Variants in PPA2 observed in about 807,000 individuals in gnomAD.
PPA2 encodes the protein inorganic pyrophosphatase 2, mitochondrial.
Under a neutral mutation model 49.5 loss-of-function variants are expected in PPA2, and 48 were observed. The ratio of observed to expected loss-of-function variants is 0.97; its 90% CI spans 0.77 to 1.23. PPA2 has a LOEUF of 1.23. PPA2 is among the 50% of genes most tolerant of loss of function. The pLI is 0.00. For missense variants in PPA2, 429 were observed against 410.1 expected (o/e 1.05, Z -0.40); for synonymous variants, 131 against 139.9 (o/e 0.94, Z 0.45).
chr4:105,453,850 T>C, intron 2 of PPA2: 1 of 396,100 alleles, frequency 2.5e-6, no homozygotes, highest in Non-Finnish European at 4.5e-6. Flanking sequence ...TTTCATAAAA[T>C]AAATGATCAG....
intron 2 of PPA2, chr4:105,456,353 C>T (rs915023361): frequency 1.4e-5 from 6 of 430,478 alleles, no homozygotes; most frequent in African/African-American, 1.0e-4. Flanking sequence ...TAGTGGCTAG[C>T]AAATAAAAAA....
chr4:105,405,729 CCTT>C (rs1336891513), intron 7 of PPA2: 4 of 761,172 alleles, frequency 5.3e-6, no homozygotes, highest in Non-Finnish European at 7.4e-6. Flanking sequence ...AAAATAGATA[CCTT>C]ATAAACAGAT....
At chr4:105,400,266 C>T (rs17035553) in intron 7 of PPA2, among the ~76,000 whole-genome samples, 32,392 of 151,936 alleles carry the variant, frequency 0.21, 4,448 homozygotes, top group African/African-American at 0.39. Context: ...CTTGAACGAA[C>T]GGTTTTCTTA....
intron 6 of PPA2, among the ~76,000 whole-genome samples, chr4:105,427,982 C>T (rs1284151779): frequency 1.3e-5 from 2 of 152,196 alleles, no homozygotes; most frequent in Admixed American, 6.5e-5. Context: ...GGAAGCCCAT[C>T]AGACTAACAG....
At chr4:105,439,749 A>T (rs945155936) in intron 5 of PPA2, among the ~76,000 whole-genome samples, 2 of 151,934 alleles carry the variant, frequency 1.3e-5, no homozygotes, top group Non-Finnish European at 2.9e-5. Context: ...GGTTTGTTAC[A>T]TATGTATACA....
chr4:105,400,565 G>A (rs1417322476), intron 7 of PPA2, among the ~76,000 whole-genome samples: 3 of 152,152 alleles, frequency 2.0e-5, no homozygotes, highest in Non-Finnish European at 1.5e-5. Flanking sequence ...TCCAGGAGGT[G>A]GAGGCTGTAG....
At chr4:105,420,136 C>T (rs1029845111) in intron 7 of PPA2, among the ~76,000 whole-genome samples, 8 of 152,068 alleles carry the variant, frequency 5.3e-5, no homozygotes, top group Non-Finnish European at 1.5e-5. Context: ...CCACACCCAG[C>T]TAATTTTGTA....
intron 6 of PPA2, among the ~76,000 whole-genome samples, chr4:105,427,376 G>T (rs1560626147): frequency 6.6e-6 from 1 of 152,156 alleles, no homozygotes; most frequent in Non-Finnish European, 1.5e-5. Flanking sequence ...GTAGGCTTCA[G>T]AAGGTCGATA....
chr4:105,390,939 T>C (rs941161314), intron 9 of PPA2, among the ~76,000 whole-genome samples: 44 of 152,132 alleles, frequency 2.9e-4, no homozygotes, highest in African/African-American at 1.0e-3. Flanking sequence ...CCAACCCAAA[T>C]GCCCATCAGT....
intron 3 of PPA2, among the ~76,000 whole-genome samples, chr4:105,453,156 C>T (rs763908136): frequency 3.3e-5 from 5 of 152,096 alleles, no homozygotes; most frequent in Admixed American, 6.5e-5. Flanking sequence ...CTCAGGTTTT[C>T]CCATTGTAAA....
intron 4 of PPA2, chr4:105,447,965 C>G: frequency 4.2e-6 from 1 of 236,674 alleles, no homozygotes; most frequent in South Asian, 4.4e-5. Context: ...AGGCTGGTCT[C>G]AAACTCCTGG....
At chr4:105,461,423 T>C (rs915117102) in intron 1 of PPA2, among the ~76,000 whole-genome samples, 1 of 152,222 alleles carries the variant, frequency 6.6e-6, no homozygotes, top group Non-Finnish European at 1.5e-5. Flanking sequence ...CGCTGGTCAG[T>C]TGTTTTGTGG....
chr4:105,404,180 T>A (rs1335344064), intron 7 of PPA2, among the ~76,000 whole-genome samples: 1 of 124,496 alleles, frequency 8.0e-6, no homozygotes, highest in Non-Finnish European at 1.9e-5. Context: ...AATAATTATA[T>A]ACCAAAAACA....
At chr4:105,405,786 C>A (rs1337841074) in intron 7 of PPA2, 2 of 538,890 alleles carry the variant, frequency 3.7e-6, no homozygotes, top group East Asian at 6.8e-5. Context: ...ACTTTGTAGA[C>A]CCAAGAGGGA....
At chr4:105,473,554 G>A (rs780113686) in intron 1 of PPA2, 39 of 528,398 alleles carry the variant, frequency 7.4e-5, no homozygotes, top group Non-Finnish European at 1.3e-4. Flanking sequence ...CGGCCGGGCC[G>A]GCTAATGGCT....
At chr4:105,390,115 A>C (rs1374241865) in intron 9 of PPA2, among the ~76,000 whole-genome samples, 1 of 152,162 alleles carries the variant, frequency 6.6e-6, no homozygotes, top group African/African-American at 2.4e-5. Flanking sequence ...CATATGCAGA[A>C]AAGTGAAACT....
rs1722576663 is a variant in PPA2 at position 105,449,513 on chromosome 4, GT to G, written c.268-111del. ...GATGTTTTCCCCCGACAAAAAAAATGTTGAGTCTCCATCATACATCTACCTA... is the reference window on the plus strand; with the variant it reads ...GATGTTTTCCCCCGACAAAAAAAATGTGAGTCTCCATCATACATCTACCTA... On this transcript the variant is annotated intron_variant, in intron 3 of 11. Coordinates refer to ENST00000341695, the MANE Select transcript of PPA2 (RefSeq NM_176869.3). 6 of 623,208 alleles carry G rather than the reference GT, an allele frequency of 9.6e-6. No homozygotes were observed. The East Asian group carries it at 2.0e-4, about 21-fold the overall frequency. 38.6% of individuals were successfully genotyped at this position (623,208 alleles called of 1,614,324 possible). A position where few individuals can be genotyped will look rare whatever the true frequency, so the allele number is the denominator to read the frequency against.
intron 1 of PPA2, among the ~76,000 whole-genome samples, chr4:105,465,640 C>T (rs369568178): frequency 6.6e-6 from 1 of 152,158 alleles, no homozygotes. Flanking sequence ...TCCAGATTGA[C>T]AGCTGGCTGG....
intron 1 of PPA2, chr4:105,473,435 C>G (rs1723610840): frequency 2.7e-6 from 1 of 377,328 alleles, no homozygotes; most frequent in Non-Finnish European, 5.2e-6. Context: ...CCTGCCTCTC[C>G]GACGTCAGGG....
Sources: allele counts gnomAD v4.1 joint callset (sites outside exome capture counted in the v4.1 genomes callset), GRCh38; gene constraint gnomAD v4.1.1; transcripts MANE v1.5; gene names NCBI Gene and HGNC (gene_info 2026-07-23, HGNC 2026-07-21).